The following ENTREP2 variants were observed in gnomAD, a reference collection of about 807,000 sequenced individuals.
ENTREP2 encodes the protein endosomal transmembrane epsin interactor 2.
the ENTREP2 span, among the ~76,000 whole-genome samples, chr15:29,548,116 C>T: frequency 0.44 from 67,159 of 151,834 alleles, 15,843 homozygotes; most frequent in African/African-American, 0.62. Flanking sequence ...TGGGGGTTAG[C>T]TGCACAACAG....
At chr15:29,473,572 G>A in the ENTREP2 span, among the ~76,000 whole-genome samples, 5 of 152,172 alleles carry the variant, frequency 3.3e-5, no homozygotes, top group Admixed American at 6.5e-5. Flanking sequence ...ACCTGGGAGC[G>A]GAAGGCCACC....
At chr15:29,361,767 C>T in the ENTREP2 span, among the ~76,000 whole-genome samples, 6 of 152,132 alleles carry the variant, frequency 3.9e-5, no homozygotes, top group African/African-American at 7.2e-5. Flanking sequence ...AACTGCTGAC[C>T]AGGCAGGTTA....
the ENTREP2 span, among the ~76,000 whole-genome samples, chr15:29,356,745 T>G: frequency 6.6e-6 from 1 of 152,060 alleles, no homozygotes; most frequent in Non-Finnish European, 1.5e-5. Flanking sequence ...CCAAAACAAA[T>G]GGAGGGATAT....
At chr15:29,198,380 C>T in the ENTREP2 span, among the ~76,000 whole-genome samples, 1 of 152,214 alleles carries the variant, frequency 6.6e-6, no homozygotes, top group Non-Finnish European at 1.5e-5. Context: ...CACAACATTA[C>T]TAGGTAAGAT....
At chr15:29,608,542 T>TATC in the ENTREP2 span, among the ~76,000 whole-genome samples, 1 of 144,560 alleles carries the variant, frequency 6.9e-6, no homozygotes, top group East Asian at 2.1e-4. Context: ...TTATTATTAT[T>TATC]ATTATTATTT....
the ENTREP2 span, among the ~76,000 whole-genome samples, chr15:29,511,965 T>C: frequency 6.6e-6 from 1 of 151,678 alleles, no homozygotes; most frequent in African/African-American, 2.4e-5. Flanking sequence ...ACCTCATGCA[T>C]ACTACAATAT....
At chr15:29,224,232 C>G in the ENTREP2 span, among the ~76,000 whole-genome samples, 1 of 152,152 alleles carries the variant, frequency 6.6e-6, no homozygotes, top group South Asian at 2.1e-4. Context: ...GTTCGTTCCT[C>G]CCGGTGGGTT....
chr15:29,242,519 C>T, the ENTREP2 span, among the ~76,000 whole-genome samples: 1 of 152,146 alleles, frequency 6.6e-6, no homozygotes, highest in Non-Finnish European at 1.5e-5. Flanking sequence ...CAATAATGCT[C>T]TTTTCTAATT....
At chr15:29,636,772 T>G in the ENTREP2 span, among the ~76,000 whole-genome samples, 1 of 152,176 alleles carries the variant, frequency 6.6e-6, no homozygotes, top group Non-Finnish European at 1.5e-5. Flanking sequence ...TATATGTAAT[T>G]TGACCCTAAT....
chr15:29,539,865 A>G, the ENTREP2 span, among the ~76,000 whole-genome samples: 1 of 152,140 alleles, frequency 6.6e-6, no homozygotes, highest in Non-Finnish European at 1.5e-5. Context: ...TGACACTCCA[A>G]GCCAAGCCCT....
At chr15:29,419,546 G>T in the ENTREP2 span, among the ~76,000 whole-genome samples, 1 of 152,026 alleles carries the variant, frequency 6.6e-6, no homozygotes, top group Admixed American at 6.6e-5. Flanking sequence ...AAGAGAACAG[G>T]GTAGAAGAAA....
At chr15:29,441,155 G>A in the ENTREP2 span, among the ~76,000 whole-genome samples, 1 of 152,192 alleles carries the variant, frequency 6.6e-6, no homozygotes, top group Non-Finnish European at 1.5e-5. Context: ...TCAGACACAT[G>A]CCACAACATG....
the ENTREP2 span, among the ~76,000 whole-genome samples, chr15:29,672,936 G>A: frequency 1.3e-5 from 2 of 152,252 alleles, no homozygotes; most frequent in African/African-American, 4.8e-5. Flanking sequence ...AGTGGCATGA[G>A]CTGCTCGAGG....
At chr15:29,465,563 C>T in the ENTREP2 span, among the ~76,000 whole-genome samples, 2 of 152,172 alleles carry the variant, frequency 1.3e-5, no homozygotes, top group African/African-American at 4.8e-5. Context: ...ATGAAAATAA[C>T]AACTTCCATT....
the ENTREP2 span, among the ~76,000 whole-genome samples, chr15:29,173,340 C>G: frequency 6.6e-6 from 1 of 152,214 alleles, no homozygotes; most frequent in Non-Finnish European, 1.5e-5. Flanking sequence ...GGCACTGAAG[C>G]CTTCCCTCTG....
At chr15:29,363,764 A>T in the ENTREP2 span, among the ~76,000 whole-genome samples, 1 of 152,350 alleles carries the variant, frequency 6.6e-6, no homozygotes, top group East Asian at 1.9e-4. Flanking sequence ...GTTTCCAATA[A>T]AATTGGGGCT....
At chr15:29,550,116 G>A in the ENTREP2 span, among the ~76,000 whole-genome samples, 5 of 152,264 alleles carry the variant, frequency 3.3e-5, no homozygotes, top group South Asian at 1.0e-3. Context: ...TGGACTTACT[G>A]TGGGGACATA....
chr15:29,301,592 G>A, the ENTREP2 span, among the ~76,000 whole-genome samples: 49 of 152,296 alleles, frequency 3.2e-4, no homozygotes, highest in African/African-American at 1.1e-3. Context: ...TGACTAAGGA[G>A]AGGCATGGTT....
At chr15:29,621,415 C>T in the ENTREP2 span, among the ~76,000 whole-genome samples, 12 of 146,290 alleles carry the variant, frequency 8.2e-5, no homozygotes, top group African/African-American at 2.5e-4. Flanking sequence ...CCCAGCTACT[C>T]GGGAGGCTGA....
Sources: allele counts gnomAD v4.1 joint callset (sites outside exome capture counted in the v4.1 genomes callset), GRCh38; gene constraint gnomAD v4.1.1; transcripts MANE v1.5; gene names NCBI Gene and HGNC (gene_info 2026-07-23, HGNC 2026-07-21).